The following PCDH9 variants were observed in gnomAD, a reference collection of about 807,000 sequenced individuals.
PCDH9 encodes the protein protocadherin 9.
A neutral mutation model predicts 70.6 loss-of-function variants in PCDH9; 24 were observed. The ratio of observed to expected loss-of-function variants is 0.34; its 90% confidence interval spans 0.25 to 0.48. The LOEUF is 0.48. Among genes scored for constraint, PCDH9 ranks in the 20% least tolerant of loss-of-function variants. PCDH9 has a pLI of 0.99. For synonymous variants in PCDH9, 562 were observed against 558.5 expected (o/e 1.01, Z -0.09); for missense variants, 1,281 against 1,503.6 (o/e 0.85, Z 2.45).
intron 4 of PCDH9, among the ~76,000 whole-genome samples, chr13:66,414,459 C>T (rs1957428184): frequency 2.0e-5 from 3 of 152,210 alleles, no homozygotes; most frequent in Admixed American, 2.0e-4. Context: ...CAACTGCTCC[C>T]TTTCATTTTA....
At chr13:66,535,120 G>A (rs1566398786) in intron 4 of PCDH9, among the ~76,000 whole-genome samples, 1 of 151,562 alleles carries the variant, frequency 6.6e-6, no homozygotes, top group East Asian at 1.9e-4. Context: ...TTGACATTCT[G>A]ATTAATAAAA....
intron 2 of PCDH9, among the ~76,000 whole-genome samples, chr13:67,097,968 G>A (rs2086357252): frequency 6.6e-6 from 1 of 152,082 alleles, no homozygotes; most frequent in Admixed American, 6.5e-5. Flanking sequence ...TAATATTGCA[G>A]AACTAAAGCA....
intron 3 of PCDH9, among the ~76,000 whole-genome samples, chr13:66,729,986 T>A (rs149787312): frequency 6.6e-6 from 1 of 152,188 alleles, no homozygotes; most frequent in Non-Finnish European, 1.5e-5. Context: ...GAATAATATA[T>A]GTTTAACAAA....
chr13:66,456,678 T>A lies in PCDH9; in HGVS notation c.3341-151650A>T, dbSNP rs113522209. 6.6e-3 allele frequency among the ~76,000 whole-genome samples: 1,008 copies of A among 152,260 alleles called. 2 individuals carry two copies. The highest frequency in any genetic ancestry group is 9.5e-3 in the Non-Finnish European group (649 of 68,010). ...TTCCAATTCTTGTGCTTTCTCAACATGCTAAATTGTTCAAAATGTCATAGC... is the reference window on the plus strand; with the variant it reads ...TTCCAATTCTTGTGCTTTCTCAACAAGCTAAATTGTTCAAAATGTCATAGC... On this transcript the variant is annotated intron_variant, in intron 4 of 4. Transcript: ENST00000377865.
chr13:66,506,196 T>A (rs955849055), intron 4 of PCDH9, among the ~76,000 whole-genome samples: 7 of 152,184 alleles, frequency 4.6e-5, no homozygotes, highest in African/African-American at 1.4e-4. Context: ...AGCAAATAAA[T>A]AATGCCTAGA....
intron 4 of PCDH9, among the ~76,000 whole-genome samples, chr13:66,607,164 G>A (rs766494961): frequency 3.9e-5 from 6 of 152,054 alleles, no homozygotes; most frequent in Non-Finnish European, 8.8e-5. Flanking sequence ...AGGCTGTTAA[G>A]TAAGTTGTTT....
chr13:66,994,429 C>A (rs765971401), intron 2 of PCDH9, among the ~76,000 whole-genome samples: 4 of 152,112 alleles, frequency 2.6e-5, no homozygotes, highest in Non-Finnish European at 5.9e-5. Context: ...GATGGCAAAG[C>A]GGATATGCAG....
intron 2 of PCDH9, among the ~76,000 whole-genome samples, chr13:67,085,002 A>G (rs1381132695): frequency 1.8e-5 from 1 of 54,948 alleles, no homozygotes; most frequent in African/African-American, 7.5e-5. Context: ...AAAAAAATAT[A>G]TATATATATA....
intron 3 of PCDH9, among the ~76,000 whole-genome samples, chr13:66,745,391 G>A (rs888568298): frequency 6.6e-6 from 1 of 152,108 alleles, no homozygotes; most frequent in East Asian, 1.9e-4. Flanking sequence ...AAATGTGACC[G>A]GAATAATATG....
intron 4 of PCDH9, among the ~76,000 whole-genome samples, chr13:66,381,069 T>C (rs1474703670): frequency 6.6e-6 from 1 of 152,188 alleles, no homozygotes; most frequent in East Asian, 1.9e-4. Context: ...AAAAATAGTT[T>C]TCTTTGAAGA....
intron 3 of PCDH9, among the ~76,000 whole-genome samples, chr13:66,852,220 T>TTGA (rs1054343350): frequency 2.2e-4 from 33 of 152,048 alleles, no homozygotes; most frequent in African/African-American, 7.5e-4. Context: ...TATTATAATA[T>TTGA]TGATGATGAT....
At chr13:66,887,959 T>C (rs912798214) in intron 3 of PCDH9, among the ~76,000 whole-genome samples, 1 of 152,226 alleles carries the variant, frequency 6.6e-6, no homozygotes, top group African/African-American at 2.4e-5. Context: ...TACATTGTTA[T>C]ATAGGTAGTT....
At chr13:66,893,854 T>G (rs1924571) in intron 3 of PCDH9, among the ~76,000 whole-genome samples, 36,497 of 151,996 alleles carry the variant, frequency 0.24, 4,512 homozygotes, top group East Asian at 0.28. Context: ...ATACAACCTA[T>G]TCTATTCTAC....
intron 4 of PCDH9, among the ~76,000 whole-genome samples, chr13:66,576,232 A>T (rs2076813240): frequency 6.6e-6 from 1 of 151,930 alleles, no homozygotes; most frequent in African/African-American, 2.4e-5. Flanking sequence ...AAAATTTCAA[A>T]ATATATATAT....
intron 2 of PCDH9, among the ~76,000 whole-genome samples, chr13:67,125,017 G>C (rs2086948801): frequency 6.6e-6 from 1 of 152,148 alleles, no homozygotes; most frequent in East Asian, 1.9e-4. Flanking sequence ...AAGATGTTGG[G>C]CTTGGAGTCA....
rs576249916 is a variant in PCDH9 at position 66,425,429 on chromosome 13, C to A, written c.3341-120401G>T. Among the ~76,000 whole-genome samples the A allele has an allele frequency of 2.6e-5, 4 of 151,328 alleles. No individual in the cohort carries two copies. The South Asian group carries it at 8.3e-4, about 31-fold the overall frequency. Reference sequence around the variant, plus strand: ...CCAATAATAAAAGCAAGAATTGAAACAAAATGCAGCCAATAAACTGTAGGT... The same window carrying A: ...CCAATAATAAAAGCAAGAATTGAAAAAAAATGCAGCCAATAAACTGTAGGT... On this transcript the variant is annotated intron_variant, in intron 4 of 4. Transcript: ENST00000377865.
intron 3 of PCDH9, among the ~76,000 whole-genome samples, chr13:66,876,137 A>G (rs1430630455): frequency 1.3e-5 from 2 of 152,238 alleles, no homozygotes; most frequent in African/African-American, 4.8e-5. Flanking sequence ...TTAGTAGTTG[A>G]TAAAGTTATT....
At chr13:66,361,446 T>C (rs1032815678) in intron 4 of PCDH9, among the ~76,000 whole-genome samples, 1 of 152,132 alleles carries the variant, frequency 6.6e-6, no homozygotes, top group African/African-American at 2.4e-5. Flanking sequence ...GATCCGGTAA[T>C]AGAAGAAAAT....
chr13:67,168,831 C>A (rs1286124964), intron 2 of PCDH9, among the ~76,000 whole-genome samples: 1 of 152,166 alleles, frequency 6.6e-6, no homozygotes, highest in Admixed American at 6.5e-5. Context: ...AAAATGTTAT[C>A]TCAATCTTTA....
Sources: gnomAD v4.1 joint callset for allele counts (sites outside exome capture counted in the v4.1 genomes callset) on GRCh38, gnomAD v4.1.1 for gene constraint, MANE v1.5 for transcripts, NCBI Gene and HGNC (gene_info 2026-07-23, HGNC 2026-07-21) for gene names.